SLC9A3: variants seen among roughly 807,000 people sequenced by gnomAD.
SLC9A3 encodes the protein solute carrier family 9 member A3, also known as sodium/hydrogen exchanger 3.
In SLC9A3, 37 loss-of-function variants were observed where a neutral mutation model predicts 86.8. The observed-to-expected ratio is 0.43, with a 90% CI of 0.33 to 0.56. The LOEUF is 0.56. Among genes scored for constraint, SLC9A3 ranks in the 20% least tolerant of loss-of-function variants. The pLI is 0.06. For missense variants in SLC9A3, 1,011 were observed against 1,171.9 expected (o/e 0.86, Z 2.00); for synonymous variants, 581 against 528.3 (o/e 1.10, Z -1.37).
chr5:483,221 C>T, intron 6 of SLC9A3, 41 bp downstream of exon 6: 1 of 1,434,834 alleles, frequency 7.0e-7, no homozygotes, highest in Middle Eastern at 1.8e-4. Context: ...ACGGTGCCGG[C>T]CCATCGGTGG....
rs1195449422 is a variant in SLC9A3, at chr5:472,225, C to T, written c.*1154G>A. 5.6e-6 allele frequency: 2 copies of T among 357,612 alleles called. No homozygotes were observed. The highest frequency in any genetic ancestry group is 4.3e-5 in the African/African-American group (2 of 46,832). 22.2% of individuals were successfully genotyped at this position (357,612 alleles called of 1,614,324 possible). ...GTCTCCCTGCAGAGGACCAGGAGCTCTGTCCAAGGCCTCGCCCTGGGACGC... is the reference window on the plus strand; with the variant it reads ...GTCTCCCTGCAGAGGACCAGGAGCTTTGTCCAAGGCCTCGCCCTGGGACGC... On this transcript the variant is annotated 3_prime_UTR_variant, in exon 17 of 17. Coordinates refer to ENST00000264938, the MANE Select transcript of SLC9A3 (RefSeq NM_004174.4).
Position 475,330 on chromosome 5 carries a change from G to A in SLC9A3, c.2252-198C>T, listed in dbSNP as rs1579761489. ...CCACAGGCAGCACAGGTAACGTCTC[G>A]CTTCCCTCAAGACATACCCCACCTG... On this transcript the variant is annotated intron_variant, in intron 15 of 16. Coordinates refer to ENST00000264938, the MANE Select transcript of SLC9A3 (RefSeq NM_004174.4). 3 of 633,550 alleles carry A rather than the reference G, an allele frequency of 4.7e-6. No individual in the cohort carries two copies. The East Asian group carries it at 8.2e-5, about 17-fold the overall frequency. 39.2% of individuals were successfully genotyped at this position (633,550 alleles called of 1,614,324 possible).
At chr5:478,474 GAA>G (rs1373465583) in intron 10 of SLC9A3, 4 of 148,302 alleles carry the variant, frequency 2.7e-5, no homozygotes, top group Admixed American at 6.7e-5. Context: ...CGCAGGGAGA[GAA>G]AGCAGCCGCC....
intron 1 of SLC9A3, among the ~76,000 whole-genome samples, chr5:522,001 G>C (rs1390877945): frequency 2.0e-5 from 3 of 152,242 alleles, no homozygotes; most frequent in African/African-American, 7.2e-5. Context: ...CACTGCCGGG[G>C]CTGCAGAGTG....
At position 473,169 on chromosome 5, in the gene SLC9A3, G is replaced by GCCCCCGGCGCAGGCCCCT; in HGVS notation, c.*209_*210insAGGGGCCTGCGCCGGGGG. On this transcript the variant is annotated 3_prime_UTR_variant, in exon 17 of 17. Transcript: ENST00000264938. ...CGGCCCCGCCCCCGGCGCAGGCCCCGCCCCCGGCTCGCCCTCGGGCGGCTC... is the reference window on the plus strand; with the variant it reads ...CGGCCCCGCCCCCGGCGCAGGCCCCGCCCCCGGCGCAGGCCCCTCCCCCGGCTCGCCCTCGGGCGGCTC... The GCCCCCGGCGCAGGCCCCT allele has an allele frequency of 1.1e-5, 5 of 449,986 alleles. No homozygotes were observed. Among genetic ancestry groups the GCCCCCGGCGCAGGCCCCT allele is most frequent in the Non-Finnish European group, 1.7e-5 (5 of 289,900 alleles). 27.9% of individuals were successfully genotyped at this position (449,986 alleles called of 1,614,324 possible).
At chr5:521,126 C>T (rs958047514) in intron 1 of SLC9A3, among the ~76,000 whole-genome samples, 7 of 152,192 alleles carry the variant, frequency 4.6e-5, no homozygotes, top group Admixed American at 1.3e-4. Context: ...GGAGTGGCTC[C>T]GTGGCCTCGG....
In SLC9A3 at chr5:483,283, T is replaced by A; in HGVS notation, c.1132A>T (p.Ile378Phe). The change falls in exon 6 of 17, where the codon ATC becomes TTC. Residue 378 changes from isoleucine to phenylalanine, a missense_variant. Physicochemically the swap from Ile to Phe is conservative, Grantham distance 21. This residue lies in a region of SLC9A3 where 565 missense variants were observed against 790.0 expected (regional missense o/e 0.72). Transcript: ENST00000264938. ...TAFVLLTLVFISVYRAIGVVL... is the reference protein window; with the variant it reads ...TAFVLLTLVFFSVYRAIGVVL... ...TCACCGATGGCCCGGTACACGGAGATGAAGACCAGCGTCAGGAGCACGAAG... is the reference window on the plus strand; with the variant it reads ...TCACCGATGGCCCGGTACACGGAGAAGAAGACCAGCGTCAGGAGCACGAAG... The A allele has an allele frequency of 6.4e-7, 1 of 1,551,116 alleles. No individual in the cohort carries two copies.
intron 1 of SLC9A3, among the ~76,000 whole-genome samples, chr5:516,803 G>C (rs1338200772): frequency 6.6e-6 from 1 of 152,192 alleles, no homozygotes; most frequent in East Asian, 1.9e-4. Context: ...TGCAGGTTAA[G>C]TCTGCCACTC....
chr5:489,666 C>A (rs545506841), intron 2 of SLC9A3, among the ~76,000 whole-genome samples: 1 of 152,320 alleles, frequency 6.6e-6, no homozygotes, highest in African/African-American at 2.4e-5. Flanking sequence ...GGAACGGGAA[C>A]CACACAAGCC....
intron 1 of SLC9A3, among the ~76,000 whole-genome samples, chr5:499,147 G>A (rs999258233): frequency 7.2e-5 from 11 of 152,366 alleles, no homozygotes; most frequent in Admixed American, 4.6e-4. Flanking sequence ...TGCTCCACAC[G>A]GCTTTTCCCA....
Position 470,967 on chromosome 5 carries a change from C to A in SLC9A3, c.*2412G>T, listed in dbSNP as rs1738320735. ...ACAGCAGTGACAGGAACGTGGGGATCCCCACTCATGACGAGTCCCTAGCAC... is the reference window on the plus strand; with the variant it reads ...ACAGCAGTGACAGGAACGTGGGGATACCCACTCATGACGAGTCCCTAGCAC... On this transcript the variant is annotated 3_prime_UTR_variant, in exon 17 of 17. Transcript: ENST00000264938. The A allele has an allele frequency of 6.6e-6, 1 of 152,352 alleles. No homozygotes were observed. 9.4% of individuals were successfully genotyped at this position (152,352 alleles called of 1,614,324 possible).
At chr5:481,731 G>GGC in intron 8 of SLC9A3, 96 bp from the exon 9 acceptor site, 1 of 1,017,576 alleles carries the variant, frequency 9.8e-7, no homozygotes. Flanking sequence ...GAACCCACCA[G>GGC]CCCCCCTCAC....
At position 470,517 on chromosome 5, in the gene SLC9A3, A is replaced by C. The variant is rs1361191384; in HGVS notation, c.*2862T>G. The C allele has an allele frequency of 6.6e-6, 1 of 152,360 alleles. No homozygotes were observed. The highest frequency in any genetic ancestry group is 2.4e-5 in the African/African-American group (1 of 41,448). The allele number at this position is 152,360 out of a possible 1,614,324, so 9.4% of individuals were successfully genotyped here. ...CAAAGTTTGCACCCAAAATGCCTTG[A>C]AATGTTTTTAATAGAATTGGTCTAG... On this transcript the variant is annotated 3_prime_UTR_variant, in exon 17 of 17. Coordinates refer to ENST00000264938, the MANE Select transcript of SLC9A3 (RefSeq NM_004174.4).
At chr5:511,239 G>A (rs1182197991) in intron 1 of SLC9A3, among the ~76,000 whole-genome samples, 1 of 152,188 alleles carries the variant, frequency 6.6e-6, no homozygotes, top group East Asian at 1.9e-4. Context: ...AAAATTTCTA[G>A]AAGATAGCAT....
chr5:480,045 C>T (rs1277608026), intron 9 of SLC9A3, 80 bp from the exon 10 acceptor site: 5 of 1,522,998 alleles, frequency 3.3e-6, no homozygotes, highest in Non-Finnish European at 3.6e-6. Context: ...GGCCCCTTCT[C>T]TCCTGAATTT....
chr5:510,750 G>C (rs1014525224), intron 1 of SLC9A3, among the ~76,000 whole-genome samples: 20 of 152,218 alleles, frequency 1.3e-4, no homozygotes, highest in African/African-American at 4.8e-4. Context: ...AATCCTGCGG[G>C]GGGAAGGCGA....
Position 476,192 on chromosome 5 carries a change from C to G in SLC9A3, c.2067+10G>C, listed in dbSNP as rs1305416591. 1 of 1,613,268 alleles carries G rather than the reference C, an allele frequency of 6.2e-7. No individual in the cohort carries two copies. Among genetic ancestry groups the G allele is most frequent in the Non-Finnish European group, 8.5e-7 (1 of 1,179,760 alleles). ...CAGCCCCGCCAAGCCTCCTGGTGAC[C>G]CAGCCTTACCCGCTTCTGGGCACGC... On this transcript the variant is annotated intron_variant, in intron 13 of 16. Transcript: ENST00000264938.
chr5:481,678 C>T (rs771723619), intron 8 of SLC9A3, 43 bp from the exon 9 acceptor site: 31 of 1,539,304 alleles, frequency 2.0e-5, no homozygotes, highest in South Asian at 3.4e-5. Flanking sequence ...GGCGGCCAAC[C>T]GGGGAACATG....
rs1486812365 is a variant in SLC9A3, at chr5:483,359, C to T, written c.1056G>A (p.Met352Ile). 6.4e-7 allele frequency: 1 copy of T among 1,570,740 alleles called. No individual in the cohort carries two copies. Among genetic ancestry groups the T allele is most frequent in the Non-Finnish European group, 8.6e-7 (1 of 1,158,508 alleles). ...LASSAETIIFMFLGISAVNPF... is the reference protein window; with the variant it reads ...LASSAETIIFIFLGISAVNPF... ...GGTTCACGGCCGAGATACCCAGGAA[C>T]ATGAAGATGATGGTCTCGGCGCTGC... The change falls in exon 6 of 17, where the codon ATG becomes ATA. Residue 352 changes from methionine to isoleucine, a missense_variant. Met to Ile is a conservative substitution (Grantham distance 10). This residue lies in a region of SLC9A3 where 565 missense variants were observed against 790.0 expected (regional missense o/e 0.72). Coordinates refer to ENST00000264938, the MANE Select transcript of SLC9A3 (RefSeq NM_004174.4).
Sources: allele counts gnomAD v4.1 joint callset (sites outside exome capture counted in the v4.1 genomes callset), GRCh38; gene constraint gnomAD v4.1.1; regional missense constraint gnomAD v4.1.1; transcripts MANE v1.5; gene names NCBI Gene and HGNC (gene_info 2026-07-23, HGNC 2026-07-21).